The following NOL10 variants were observed in gnomAD, a reference collection of about 807,000 sequenced individuals.
The protein encoded by NOL10 is nucleolar protein 10.
NOL10 carries 58 observed loss-of-function variants against 103.5 expected under a neutral mutation model. That is an observed-to-expected ratio of 0.56 (90% CI 0.45 to 0.70). NOL10 has a LOEUF of 0.70. Ranked by LOEUF, NOL10 falls within the 30% of genes least tolerant of loss-of-function variation. NOL10 has a pLI of 0.00. For synonymous variants in NOL10, 287 were observed against 282.5 expected (o/e 1.02, Z -0.16); for missense variants, 763 against 807.3 (o/e 0.95, Z 0.67).
At chr2:10,614,266 T>G (rs906140647) in intron 13 of NOL10, among the ~76,000 whole-genome samples, 2 of 152,068 alleles carry the variant, frequency 1.3e-5, no homozygotes, top group Middle Eastern at 3.4e-3. Flanking sequence ...AGCCCGCTAT[T>G]AGAATTTAAA....
chr2:10,645,659 G>A (rs1273988008), intron 12 of NOL10, among the ~76,000 whole-genome samples: 2 of 150,886 alleles, frequency 1.3e-5, no homozygotes, highest in African/African-American at 2.4e-5. Flanking sequence ...TCAGCCTCCC[G>A]AGTAGCTGGG....
chr2:10,611,945 C>A (rs1283815448), intron 13 of NOL10, among the ~76,000 whole-genome samples: 1 of 151,484 alleles, frequency 6.6e-6, no homozygotes, highest in African/African-American at 2.4e-5. Context: ...AAAACAAAAA[C>A]AAAAACAAAA....
In NOL10 at chr2:10,619,681, A is replaced by T. The variant is rs151080949; in HGVS notation, c.1027-12370T>A. Among the ~76,000 whole-genome samples the T allele has an allele frequency of 7.5e-3, 1,139 of 152,288 alleles. 9 individuals carry two copies. Among genetic ancestry groups the T allele is most frequent in the African/African-American group, 0.025 (1,058 of 41,566 alleles). On this transcript the variant is annotated intron_variant, in intron 13 of 20. Coordinates refer to ENST00000381685, the MANE Select transcript of NOL10 (RefSeq NM_024894.4). ...CAGCTGACATTTTTCTTCAATTCTCAAGGAAGAAAAAGAAAATCTGAACAT... is the reference window on the plus strand; with the variant it reads ...CAGCTGACATTTTTCTTCAATTCTCTAGGAAGAAAAAGAAAATCTGAACAT...
intron 17 of NOL10, among the ~76,000 whole-genome samples, 155 bp downstream of exon 17, chr2:10,600,698 A>G (rs1394102388): frequency 2.6e-5 from 4 of 152,148 alleles, no homozygotes; most frequent in African/African-American, 9.7e-5. Context: ...ATTCTTTTCT[A>G]TTTTCCAGAC....
At chr2:10,686,951 A>G (rs1245083325) in intron 1 of NOL10, among the ~76,000 whole-genome samples, 1 of 152,216 alleles carries the variant, frequency 6.6e-6, no homozygotes, top group African/African-American at 2.4e-5. Flanking sequence ...ACACAAGTCC[A>G]GTTCAGAGTA....
chr2:10,579,123 C>T (rs1674621157), intron 19 of NOL10, among the ~76,000 whole-genome samples: 1 of 152,132 alleles, frequency 6.6e-6, no homozygotes, highest in African/African-American at 2.4e-5. Flanking sequence ...ATGCTCACAC[C>T]ATGTGAAATT....
intron 13 of NOL10, among the ~76,000 whole-genome samples, chr2:10,636,085 G>A (rs1366519695): frequency 6.6e-6 from 1 of 151,834 alleles, no homozygotes; most frequent in Non-Finnish European, 1.5e-5. Context: ...ACAGGGTTTC[G>A]CCTTGTTGGC....
At chr2:10,582,423 G>A (rs1381627410) in intron 19 of NOL10, among the ~76,000 whole-genome samples, 1 of 152,170 alleles carries the variant, frequency 6.6e-6, no homozygotes, top group Non-Finnish European at 1.5e-5. Flanking sequence ...ACTACCCAAG[G>A]AGAGAAGTTA....
chr2:10,646,894 A>T (rs1679107766), intron 12 of NOL10, among the ~76,000 whole-genome samples: 1 of 152,228 alleles, frequency 6.6e-6, no homozygotes, highest in African/African-American at 2.4e-5. Flanking sequence ...TGGCAACGTG[A>T]AAGATGTGTT....
chr2:10,614,580 A>G (rs1295156533), intron 13 of NOL10, among the ~76,000 whole-genome samples: 1 of 152,208 alleles, frequency 6.6e-6, no homozygotes, highest in Non-Finnish European at 1.5e-5. Context: ...AATTCATACC[A>G]GTGATTTGGG....
chr2:10,684,572 T>C lies in NOL10; in HGVS notation c.107A>G (p.Asp36Gly). Residue 36 changes from aspartate (D) to glycine (G), a missense_variant, in exon 2 of 21, where the codon GAT becomes GGT. Transcript: ENST00000381685. ...TGGGAAAAAACAATACTCACCTACA[T>C]CTTTCTTCTGTAGCGCTCTCTTCTT... is the stretch of plus-strand genomic sequence containing the variant. The part of the protein sequence containing the change: ...DRKKRALQKK[D>G]VDVRRRIELI... The C allele has an allele frequency of 6.3e-7, 1 of 1,575,294 alleles. No homozygotes were observed. Among genetic ancestry groups the C allele is most frequent in the Non-Finnish European group, 8.6e-7 (1 of 1,158,526 alleles).
chr2:10,657,673 G>A (rs1679930641), intron 11 of NOL10, 69 bp downstream of exon 11: 1 of 1,334,752 alleles, frequency 7.5e-7, no homozygotes, highest in South Asian at 1.5e-5. Context: ...AAAAAGGAAA[G>A]GGAGAGGAAA....
At chr2:10,673,622 G>A in intron 4 of NOL10, 65 bp from the exon 5 acceptor site, 2 of 1,054,992 alleles carry the variant, frequency 1.9e-6, no homozygotes, top group Non-Finnish European at 2.8e-6. Flanking sequence ...ACGCAAACCT[G>A]ATGCAAAGAT....
chr2:10,621,281 C>T (rs1005569649), intron 13 of NOL10, among the ~76,000 whole-genome samples: 1 of 152,004 alleles, frequency 6.6e-6, no homozygotes, highest in Non-Finnish European at 1.5e-5. Flanking sequence ...GCAAAAAAAA[C>T]CAACTGCTAT....
intron 13 of NOL10, among the ~76,000 whole-genome samples, chr2:10,636,615 A>G (rs910432623): frequency 3.4e-5 from 1 of 29,226 alleles, no homozygotes; most frequent in Non-Finnish European, 5.8e-5. Flanking sequence ...CAATCAAAGA[A>G]AAAAAAAAAA....
At chr2:10,651,283 G>T (rs1679435256) in intron 12 of NOL10, among the ~76,000 whole-genome samples, 1 of 152,078 alleles carries the variant, frequency 6.6e-6, no homozygotes, top group Non-Finnish European at 1.5e-5. Flanking sequence ...CCGCTACACT[G>T]GGCCAGGCAC....
Position 10,589,728 on chromosome 2 carries a change from A to G in NOL10, c.1446T>C (p.Asp482=). The change falls in exon 18 of 21, where the codon GAT becomes GAC. Residue 482 remains aspartate (D), a synonymous_variant. Coordinates refer to ENST00000381685, the MANE Select transcript of NOL10 (RefSeq NM_024894.4). ...KVKSLPNILT[D]DRFKVMFENP... is the part of the protein sequence containing the mutation. ...TCTCAAACATAACTTTAAATCGATCATCGGTGAGAATATTAGGAAGACTCT... is the reference window on the plus strand; with the variant it reads ...TCTCAAACATAACTTTAAATCGATCGTCGGTGAGAATATTAGGAAGACTCT... 1 of 1,550,718 alleles carries G rather than the reference A, an allele frequency of 6.4e-7. No homozygotes were observed. The highest frequency in any genetic ancestry group is 8.7e-7 in the Non-Finnish European group (1 of 1,152,792).
intron 19 of NOL10, among the ~76,000 whole-genome samples, chr2:10,581,218 G>A (rs1422761021): frequency 6.6e-6 from 1 of 152,136 alleles, no homozygotes; most frequent in Non-Finnish European, 1.5e-5. Context: ...GGAAACAGGC[G>A]CTCTGGCCAG....
rs554916017 is a variant in NOL10, at chr2:10,689,942, C to A, written c.-81G>T. 2.2e-6 allele frequency: 3 copies of A among 1,369,928 alleles called. No homozygotes were observed. Among genetic ancestry groups the A allele is most frequent in the East Asian group, 2.5e-5 (1 of 39,626 alleles). The allele number at this position is 1,369,928 out of a possible 1,614,324, so 84.9% of individuals were successfully genotyped here. A position where few individuals can be genotyped will look rare whatever the true frequency, so the allele number is the denominator to read the frequency against. ...ACCGTAATCCCGGGACCTCCGAGCC[C>A]CTGCTCCGCGGCGTGCGGCCGCTGG... On this transcript the variant is annotated 5_prime_UTR_variant, in exon 1 of 21. Coordinates refer to ENST00000381685, the MANE Select transcript of NOL10 (RefSeq NM_024894.4).
Sources: allele counts gnomAD v4.1 joint callset (sites outside exome capture counted in the v4.1 genomes callset), GRCh38; gene constraint gnomAD v4.1.1; transcripts MANE v1.5; gene names NCBI Gene and HGNC (gene_info 2026-07-23, HGNC 2026-07-21).